The following B4GALNT3 variants were observed in gnomAD, a reference collection of about 807,000 sequenced individuals.
The protein encoded by B4GALNT3 is beta-1,4-N-acetylgalactosaminyltransferase 3.
Under a neutral mutation model 120.2 loss-of-function variants are expected in B4GALNT3, and 86 were observed. The ratio of observed to expected loss-of-function variants is 0.72; its 90% CI spans 0.60 to 0.86. B4GALNT3 has a LOEUF of 0.86. Ranked by LOEUF, B4GALNT3 falls within the 40% of genes least tolerant of loss-of-function variation. B4GALNT3 has a pLI of 0.00. For missense variants in B4GALNT3, 1,167 were observed against 1,298.9 expected, an observed-to-expected ratio of 0.90 and a Z score of 1.56; for synonymous variants, 518 against 510.4, an observed-to-expected ratio of 1.01 and a Z score of -0.20.
intron 1 of B4GALNT3, among the ~76,000 whole-genome samples, chr12:517,406 G>T (rs1182543562): frequency 1.3e-5 from 2 of 152,052 alleles, no homozygotes; most frequent in African/African-American, 4.8e-5. Context: ...TAGGGGGAGG[G>T]AGGTAAACAT....
intron 1 of B4GALNT3, among the ~76,000 whole-genome samples, chr12:467,789 G>C (rs1276256003): frequency 6.6e-6 from 1 of 152,190 alleles, no homozygotes; most frequent in African/African-American, 2.4e-5. Flanking sequence ...GGGTGGAGTT[G>C]AGAACTGTTG....
At chr12:534,493 A>G (rs1023006282) in intron 1 of B4GALNT3, among the ~76,000 whole-genome samples, 4 of 151,998 alleles carry the variant, frequency 2.6e-5, no homozygotes, top group Non-Finnish European at 5.9e-5. Context: ...CCCTCTCGCC[A>G]TGGTTTGGCT....
intron 1 of B4GALNT3, among the ~76,000 whole-genome samples, chr12:502,222 G>A (rs1011936797): frequency 7.9e-5 from 12 of 152,118 alleles, no homozygotes; most frequent in South Asian, 2.1e-4. Context: ...CATTCCCCCC[G>A]GGCATGGACC....
chr12:504,669 A>AC (rs1240341644), intron 1 of B4GALNT3, among the ~76,000 whole-genome samples: 11 of 151,894 alleles, frequency 7.2e-5, no homozygotes, highest in Non-Finnish European at 1.6e-4. Context: ...TTTAAATTGC[A>AC]CCCCTGCACT....
chr12:467,714 G>T (rs1234753150), intron 1 of B4GALNT3, among the ~76,000 whole-genome samples: 2 of 152,168 alleles, frequency 1.3e-5, no homozygotes, highest in East Asian at 3.8e-4. Flanking sequence ...GGCCAAGGAA[G>T]ACCAGGGGCC....
At chr12:493,957 A>G (rs1946366812) in intron 1 of B4GALNT3, among the ~76,000 whole-genome samples, 1 of 152,194 alleles carries the variant, frequency 6.6e-6, no homozygotes, top group African/African-American at 2.4e-5. Context: ...ATTTTTAATG[A>G]CATAGGTCAT....
At chr12:536,695 A>C (rs896645957) in intron 3 of B4GALNT3, among the ~76,000 whole-genome samples, 6 of 152,164 alleles carry the variant, frequency 3.9e-5, no homozygotes, top group Admixed American at 2.0e-4. Context: ...AGGTTGATTC[A>C]ATTTCTCTCT....
intron 1 of B4GALNT3, among the ~76,000 whole-genome samples, chr12:463,308 C>T (rs1322117820): frequency 1.3e-5 from 2 of 152,156 alleles, no homozygotes; most frequent in African/African-American, 4.8e-5. Context: ...TGAAATAACC[C>T]AGTAGTTTAA....
At chr12:510,713 A>G (rs1253835177) in intron 1 of B4GALNT3, among the ~76,000 whole-genome samples, 2 of 152,138 alleles carry the variant, frequency 1.3e-5, no homozygotes, top group East Asian at 1.9e-4. Context: ...GATGGTCACA[A>G]TTAAACAGGG....
chr12:502,216 C>T (rs1426319153), intron 1 of B4GALNT3, among the ~76,000 whole-genome samples: 1 of 152,136 alleles, frequency 6.6e-6, no homozygotes, highest in Non-Finnish European at 1.5e-5. Context: ...CCATTGCATT[C>T]CCCCCGGGCA....
At position 553,570 on chromosome 12, in the gene B4GALNT3, C is replaced by G. The variant is rs1335634620; in HGVS notation, c.1647C>G (p.Pro549=). 1.9e-6 allele frequency: 3 copies of G among 1,613,966 alleles called. No homozygotes were observed. The South Asian group carries it at 3.3e-5, about 18-fold the overall frequency. ...TGCCTCAGATGAGGGGGCCCAGGCC[C>G]AGGCCCGCTGGTGACAGCCCCAGGA... ...KNLPQMRGPR[P]RPAGDSPRKT... is the part of the protein sequence containing the mutation. Residue 549 remains proline, a synonymous_variant, in exon 14 of 20, where the codon CCC becomes CCG. Transcript: ENST00000266383.
At chr12:556,913 C>T in intron 15 of B4GALNT3, 47 bp downstream of exon 15, 3 of 1,555,816 alleles carry the variant, frequency 1.9e-6, no homozygotes, top group South Asian at 1.2e-5. Context: ...GGGGTCCTCA[C>T]ACTGTCAGGA....
intron 14 of B4GALNT3, among the ~76,000 whole-genome samples, chr12:556,025 C>T (rs1181484057): frequency 4.6e-5 from 7 of 151,946 alleles, no homozygotes; most frequent in Admixed American, 2.6e-4. Context: ...CCTTGTGATC[C>T]ACCTGCCTTG....
rs1227273922 is a variant in B4GALNT3 at position 544,409 on chromosome 12, A to G, written c.422A>G (p.Asn141Ser). ...CGSSIQQLRRNLHFPLYPHIR... is the reference protein window; with the variant it reads ...CGSSIQQLRRSLHFPLYPHIR... ...AGCTCTATCCAGCAGCTCAGGAGGAACCTGCATTTCCCACTGTACCCCCAT... is the reference window on the plus strand; with the variant it reads ...AGCTCTATCCAGCAGCTCAGGAGGAGCCTGCATTTCCCACTGTACCCCCAT... Residue 141 changes from asparagine to serine, a missense_variant, in exon 4 of 20, where the codon AAC becomes AGC. By Grantham distance (46) the Asn-to-Ser change is conservative (BLOSUM62 1). This residue lies in a region of B4GALNT3 where 13 missense variants were observed against 35.1 expected (regional missense o/e 0.37). Coordinates refer to ENST00000266383, the MANE Select transcript of B4GALNT3 (RefSeq NM_173593.4). 2.5e-6 allele frequency: 4 copies of G among 1,613,608 alleles called. No individual in the cohort carries two copies. Among genetic ancestry groups the G allele is most frequent in the Non-Finnish European group, 3.4e-6 (4 of 1,179,866 alleles).
chr12:515,271 C>T (rs10219549), intron 1 of B4GALNT3, among the ~76,000 whole-genome samples: 47,843 of 151,930 alleles, frequency 0.31, 7,671 homozygotes, highest in African/African-American at 0.35. Context: ...CTGCAACCTC[C>T]ACCTCCCTGG....
At chr12:544,674 C>T (rs1402456695) in intron 4 of B4GALNT3, among the ~76,000 whole-genome samples, 1 of 152,162 alleles carries the variant, frequency 6.6e-6, no homozygotes, top group African/African-American at 2.4e-5. Context: ...CCCAGGGCCA[C>T]CATGTACAGT....
intron 11 of B4GALNT3, 21 bp from the exon 12 acceptor site, chr12:552,042 T>G: frequency 6.5e-7 from 1 of 1,534,740 alleles, no homozygotes; most frequent in Non-Finnish European, 9.0e-7. Flanking sequence ...TTACTCCTGC[T>G]GCTGATTTTT....
At chr12:541,627 G>A (rs1192583519) in intron 3 of B4GALNT3, among the ~76,000 whole-genome samples, 1 of 152,118 alleles carries the variant, frequency 6.6e-6, no homozygotes, top group Non-Finnish European at 1.5e-5. Flanking sequence ...CCTGAGAGTG[G>A]GGTGAAGCAT....
At position 517,000 on chromosome 12, in the gene B4GALNT3, G is replaced by A. The variant is rs569699202; in HGVS notation, c.170-18166G>A. Among the ~76,000 whole-genome samples the A allele has an allele frequency of 9.8e-5, 15 of 152,322 alleles. No individual in the cohort carries two copies. The South Asian group carries it at 3.1e-3, about 32-fold the overall frequency. ...AGTAGTTTGAAGATTTTTGACCTGG[G>A]TGGTTGGAAGGCTGGAGTTGTCATT... On this transcript the variant is annotated intron_variant, in intron 1 of 19. Coordinates refer to ENST00000266383, the MANE Select transcript of B4GALNT3 (RefSeq NM_173593.4).
Sources: allele counts gnomAD v4.1 joint callset (sites outside exome capture counted in the v4.1 genomes callset), GRCh38; gene constraint gnomAD v4.1.1; regional missense constraint gnomAD v4.1.1; transcripts MANE v1.5; gene names NCBI Gene and HGNC (gene_info 2026-07-23, HGNC 2026-07-21).